The following ZNF521 variants were observed in gnomAD, a reference collection of about 807,000 sequenced individuals.
The protein encoded by ZNF521 is LYST-interacting protein 3.
A neutral mutation model predicts 105.5 loss-of-function variants in ZNF521; 14 were observed. The ratio of observed to expected loss-of-function variants is 0.13; its 90% CI spans 0.09 to 0.21. The LOEUF (loss-of-function observed/expected upper bound fraction) is 0.21. Ranked by LOEUF, ZNF521 falls within the 10% of genes least tolerant of loss-of-function variation. The pLI is 1.00. For synonymous variants in ZNF521, 635 were observed against 606.0 expected (o/e 1.05, Z -0.70); for missense variants, 1,233 against 1,629.7 (o/e 0.76, Z 4.19).
At chr18:25,302,312 C>T (rs1911693818) in intron 3 of ZNF521, 1 of 152,234 alleles carries the variant, frequency 6.6e-6, no homozygotes, top group African/African-American at 2.4e-5. Context: ...GGTCACACAA[C>T]AGCCCTTACC....
intron 5 of ZNF521, among the ~76,000 whole-genome samples, chr18:25,163,191 T>A (rs1415435253): frequency 6.6e-6 from 1 of 152,140 alleles, no homozygotes; most frequent in African/African-American, 2.4e-5. Context: ...AAAGTTAGCA[T>A]AGTCAATAAT....
chr18:25,212,542 T>A (rs79045775), intron 4 of ZNF521, among the ~76,000 whole-genome samples: 906 of 68,228 alleles, frequency 0.013, 4 homozygotes, highest in Non-Finnish European at 0.016. Context: ...AAAAAAAATA[T>A]ATATATATAT....
chr18:25,081,297 T>C (rs972012969), intron 7 of ZNF521, among the ~76,000 whole-genome samples: 6 of 152,184 alleles, frequency 3.9e-5, no homozygotes, highest in African/African-American at 1.4e-4. Context: ...ACAGGGCTGT[T>C]GGAGGAGGGA....
At position 25,203,093 on chromosome 18, in the gene ZNF521, A is replaced by G. The variant is rs115306931; in HGVS notation, c.3574-7849T>C. ...TGATCCCTAAACTCAAGGCATTACA[A>G]TGTGATTGGGGAAATAAAACACACA... On this transcript the variant is annotated intron_variant, in intron 4 of 7. Transcript: ENST00000361524. Among the ~76,000 whole-genome samples the G allele has an allele frequency of 5.0e-3, 755 of 152,312 alleles. 4 individuals carry two copies. Among genetic ancestry groups the G allele is most frequent in the African/African-American group, 0.017 (702 of 41,574 alleles).
intron 5 of ZNF521, among the ~76,000 whole-genome samples, chr18:25,100,187 C>T (rs999298881): frequency 6.6e-6 from 1 of 151,294 alleles, no homozygotes; most frequent in Non-Finnish European, 1.5e-5. Context: ...TTTATCCTTG[C>T]TAGAAAGCAC....
At chr18:25,085,749 C>T (rs764935163) in intron 7 of ZNF521, among the ~76,000 whole-genome samples, 8 of 150,966 alleles carry the variant, frequency 5.3e-5, no homozygotes, top group Admixed American at 1.3e-4. Context: ...CGCATATATA[C>T]GCATATATAT....
intron 4 of ZNF521, among the ~76,000 whole-genome samples, chr18:25,217,991 C>T (rs542168935): frequency 7.9e-5 from 12 of 152,102 alleles, no homozygotes; most frequent in African/African-American, 2.7e-4. Flanking sequence ...AGAAACAGGA[C>T]AGCCTCAGTA....
intron 3 of ZNF521, among the ~76,000 whole-genome samples, chr18:25,260,079 C>T (rs899431825): frequency 1.3e-5 from 2 of 152,092 alleles, no homozygotes; most frequent in Non-Finnish European, 2.9e-5. Flanking sequence ...ATTCAAAGAG[C>T]CTTGGGAAAC....
chr18:25,070,698 G>A (rs1332965032), intron 7 of ZNF521, among the ~76,000 whole-genome samples: 1 of 152,006 alleles, frequency 6.6e-6, no homozygotes, highest in Non-Finnish European at 1.5e-5. Flanking sequence ...CTGCCAACAT[G>A]CTAGTGGCAT....
At chr18:25,240,328 C>A (rs908236704) in intron 3 of ZNF521, among the ~76,000 whole-genome samples, 7 of 152,080 alleles carry the variant, frequency 4.6e-5, no homozygotes, top group Admixed American at 6.5e-5. Context: ...GTGACTTATC[C>A]ATGATCTCAC....
At chr18:25,342,377 A>C (rs974056616) in intron 2 of ZNF521, among the ~76,000 whole-genome samples, 1 of 151,214 alleles carries the variant, frequency 6.6e-6, no homozygotes, top group South Asian at 2.1e-4. Context: ...GTTTGTGAAG[A>C]CTTTACAGCC....
intron 2 of ZNF521, among the ~76,000 whole-genome samples, chr18:25,329,550 A>G (rs1259600359): frequency 1.3e-5 from 2 of 152,176 alleles, no homozygotes; most frequent in African/African-American, 4.8e-5. Context: ...GATACGTAAA[A>G]CAACATGATG....
chr18:25,208,036 A>AT (rs139204377), intron 4 of ZNF521, among the ~76,000 whole-genome samples: 11 of 151,720 alleles, frequency 7.3e-5, no homozygotes, highest in African/African-American at 1.2e-4. Context: ...AAGCACCGTG[A>AT]TTTTTTTTTA....
chr18:25,341,962 C>T (rs1055912897), intron 2 of ZNF521, among the ~76,000 whole-genome samples: 42 of 152,138 alleles, frequency 2.8e-4, no homozygotes, highest in Non-Finnish European at 3.2e-4. Flanking sequence ...CAAAAACCCC[C>T]AGAACTTGTT....
chr18:25,236,938 A>C (rs1292371378), intron 3 of ZNF521, among the ~76,000 whole-genome samples: 1 of 152,198 alleles, frequency 6.6e-6, no homozygotes, highest in Non-Finnish European at 1.5e-5. Context: ...AATTCAGCAA[A>C]ATATAAAAGA....
intron 2 of ZNF521, among the ~76,000 whole-genome samples, chr18:25,323,400 TATG>T (rs1291274956): frequency 2.0e-5 from 3 of 152,042 alleles, no homozygotes; most frequent in South Asian, 2.1e-4. Context: ...CTACAATAAA[TATG>T]ATAATTTAAA....
chr18:25,308,733 G>A (rs1400567076), intron 3 of ZNF521, among the ~76,000 whole-genome samples: 1 of 138,966 alleles, frequency 7.2e-6, no homozygotes, highest in East Asian at 2.2e-4. Flanking sequence ...GTGATTTATT[G>A]GTCAAAGAGT....
At chr18:25,097,099 C>T (rs576428407) in intron 5 of ZNF521, among the ~76,000 whole-genome samples, 4 of 152,128 alleles carry the variant, frequency 2.6e-5, no homozygotes, top group East Asian at 3.9e-4. Context: ...GCTAGGGGTC[C>T]GAGGAGTAAC....
intron 5 of ZNF521, among the ~76,000 whole-genome samples, chr18:25,180,078 T>C (rs1007282986): frequency 6.6e-6 from 1 of 152,094 alleles, no homozygotes; most frequent in African/African-American, 2.4e-5. Flanking sequence ...TTAGAGAAAG[T>C]TAAAAAAACT....
Sources: allele counts gnomAD v4.1 joint callset (sites outside exome capture counted in the v4.1 genomes callset), GRCh38; gene constraint gnomAD v4.1.1; transcripts MANE v1.5; gene names NCBI Gene and HGNC (gene_info 2026-07-23, HGNC 2026-07-21).